The following ODAD2 variants were observed in gnomAD, a reference collection of about 807,000 sequenced individuals.
ODAD2 encodes the protein outer dynein arm-docking complex subunit 2.
ODAD2 carries 89 observed loss-of-function variants against 106.8 expected under a neutral mutation model. That is an observed-to-expected ratio of 0.83 (90% CI 0.70 to 0.99). ODAD2 has a LOEUF of 0.99. ODAD2 is among the 50% of genes least tolerant of loss of function. The pLI, the probability that ODAD2 is intolerant of heterozygous loss-of-function variation, is 0.00. For missense variants in ODAD2, 1,168 were observed against 1,238.5 expected (o/e 0.94, Z 0.85); for synonymous variants, 404 against 436.2 (o/e 0.93, Z 0.92).
Position 27,961,191 on chromosome 10 carries a change from C to T in ODAD2, c.1386+377G>A, listed in dbSNP as rs552767666. 3.3e-5 allele frequency among the ~76,000 whole-genome samples: 5 copies of T among 152,222 alleles called. No homozygotes were observed. The South Asian group carries it at 6.2e-4, about 19-fold the overall frequency. On this transcript the variant is annotated intron_variant, in intron 10 of 19. Coordinates refer to ENST00000305242, the MANE Select transcript of ODAD2 (RefSeq NM_018076.5). ...AGAAAATTAGGGCTCAAAACTGTAA[C>T]GTTTCAACAGCTACGTTGCTAGTAA...
chr10:27,926,035 C>A (rs1257409892), intron 16 of ODAD2, among the ~76,000 whole-genome samples: 1 of 148,344 alleles, frequency 6.7e-6, no homozygotes, highest in Admixed American at 6.7e-5. Flanking sequence ...GTAACACTTT[C>A]TCTAATGTTA....
At chr10:27,840,575 A>C (rs1838237564) in intron 19 of ODAD2, among the ~76,000 whole-genome samples, 1 of 152,146 alleles carries the variant, frequency 6.6e-6, no homozygotes, top group South Asian at 2.1e-4. Flanking sequence ...CTTGTCTGAG[A>C]TTTTTGAACT....
chr10:27,825,877 ATC>A (rs908197247), intron 19 of ODAD2, among the ~76,000 whole-genome samples: 2 of 152,240 alleles, frequency 1.3e-5, no homozygotes, highest in Non-Finnish European at 2.9e-5. Context: ...GAGCTACTGA[ATC>A]TGTTTTTCTA....
chr10:27,871,379 T>G (rs1251842506), intron 17 of ODAD2, among the ~76,000 whole-genome samples: 1 of 152,228 alleles, frequency 6.6e-6, no homozygotes, highest in Non-Finnish European at 1.5e-5. Flanking sequence ...ATTTGTCAAT[T>G]TTCGCTTTTG....
intron 19 of ODAD2, among the ~76,000 whole-genome samples, chr10:27,837,152 G>A (rs933748094): frequency 1.3e-5 from 2 of 152,162 alleles, no homozygotes; most frequent in South Asian, 4.1e-4. Context: ...CCAGCATCTC[G>A]GCTGCCTCTC....
chr10:27,912,620 G>A (rs1031866980), intron 16 of ODAD2, among the ~76,000 whole-genome samples: 4 of 152,066 alleles, frequency 2.6e-5, no homozygotes, highest in Admixed American at 6.6e-5. Context: ...TATCTATTTT[G>A]AAATCATAAT....
At chr10:27,876,269 G>A (rs180902533) in intron 17 of ODAD2, among the ~76,000 whole-genome samples, 7 of 152,246 alleles carry the variant, frequency 4.6e-5, no homozygotes, top group African/African-American at 7.2e-5. Context: ...CCTGACTCCC[G>A]AGTAGCCTAA....
chr10:27,837,850 A>G (rs1838016582), intron 19 of ODAD2, among the ~76,000 whole-genome samples: 1 of 152,220 alleles, frequency 6.6e-6, no homozygotes, highest in South Asian at 2.1e-4. Context: ...TCCTAAAGAC[A>G]ATAGTTGTTC....
chr10:27,816,306 A>T (rs1459676749), intron 19 of ODAD2, among the ~76,000 whole-genome samples: 2 of 152,200 alleles, frequency 1.3e-5, no homozygotes. Flanking sequence ...AAGAAATAAG[A>T]CAGGATCAAT....
intron 9 of ODAD2, among the ~76,000 whole-genome samples, chr10:27,964,250 C>T (rs1343772813): frequency 6.6e-6 from 1 of 152,154 alleles, no homozygotes; most frequent in African/African-American, 2.4e-5. Context: ...TTGAACAAAA[C>T]TCCATGGTTA....
intron 17 of ODAD2, among the ~76,000 whole-genome samples, chr10:27,875,982 G>A (rs1841309805): frequency 6.6e-6 from 1 of 152,202 alleles, no homozygotes; most frequent in South Asian, 2.1e-4. Context: ...TTGCAACATG[G>A]CAGCGAGCCT....
At chr10:27,877,768 G>A (rs73604091) in intron 17 of ODAD2, among the ~76,000 whole-genome samples, 2,127 of 152,152 alleles carry the variant, frequency 0.014, 45 homozygotes, top group African/African-American at 0.05. Context: ...CAATTCAAAT[G>A]TTCATCTGTA....
intron 18 of ODAD2, among the ~76,000 whole-genome samples, chr10:27,861,692 C>T (rs1420208420): frequency 2.6e-5 from 4 of 152,190 alleles, no homozygotes; most frequent in African/African-American, 4.8e-5. Context: ...TTTTTTGATG[C>T]AGACGATATC....
chr10:27,875,273 G>A (rs1286801302), intron 17 of ODAD2, among the ~76,000 whole-genome samples: 1 of 152,072 alleles, frequency 6.6e-6, no homozygotes, highest in Non-Finnish European at 1.5e-5. Context: ...TTTTTTGAAG[G>A]TTTTTAGCTG....
intron 19 of ODAD2, among the ~76,000 whole-genome samples, chr10:27,825,626 G>A (rs1836980010): frequency 6.6e-6 from 1 of 152,210 alleles, no homozygotes; most frequent in African/African-American, 2.4e-5. Flanking sequence ...AGCTATTAAT[G>A]AGGAGGACAG....
chr10:27,898,495 T>G (rs1223288699), intron 17 of ODAD2, among the ~76,000 whole-genome samples: 1 of 152,190 alleles, frequency 6.6e-6, no homozygotes, highest in Admixed American at 6.5e-5. Flanking sequence ...ACATGGTTAG[T>G]ATTCCTTAAA....
At chr10:27,871,916 G>A (rs886298857) in intron 17 of ODAD2, among the ~76,000 whole-genome samples, 1 of 152,154 alleles carries the variant, frequency 6.6e-6, no homozygotes, top group African/African-American at 2.4e-5. Context: ...GTTTCATGGA[G>A]ATGGTATTAA....
chr10:27,826,472 A>T (rs1837053729), intron 19 of ODAD2, among the ~76,000 whole-genome samples: 1 of 151,660 alleles, frequency 6.6e-6, no homozygotes, highest in African/African-American at 2.4e-5. Context: ...TACCTAACCC[A>T]CCACTTCAGT....
intron 16 of ODAD2, among the ~76,000 whole-genome samples, chr10:27,909,791 T>G (rs1843863073): frequency 7.4e-6 from 1 of 134,320 alleles, no homozygotes; most frequent in African/African-American, 3.0e-5. Context: ...GCACTCCAGC[T>G]TGGGCGACAA....
Sources: gnomAD v4.1 joint callset for allele counts (sites outside exome capture counted in the v4.1 genomes callset) on GRCh38, gnomAD v4.1.1 for gene constraint, MANE v1.5 for transcripts, NCBI Gene and HGNC (gene_info 2026-07-23, HGNC 2026-07-21) for gene names.